TRPC5: variants seen among roughly 807,000 people sequenced by gnomAD.
The protein encoded by TRPC5 is transient receptor potential cation channel subfamily C member 5, also known as short transient receptor potential channel 5.
TRPC5 carries 9 observed loss-of-function variants against 56.5 expected under a neutral mutation model. That is an observed-to-expected ratio of 0.16 (90% CI 0.10 to 0.28). The LOEUF is 0.28. Among genes scored for constraint, TRPC5 ranks in the 10% least tolerant of loss-of-function variants. The probability of loss-of-function intolerance (pLI) is 1.00; values close to 1 mark genes in which losing one functional copy is unlikely to be tolerated. For synonymous variants in TRPC5, 282 were observed against 278.5 expected, an observed-to-expected ratio of 1.01 and a Z score of -0.13; for missense variants, 469 against 748.9, an observed-to-expected ratio of 0.63 and a Z score of 4.36.
chrX:111,998,958 G>A (rs1452538593), intron 1 of TRPC5, among the ~76,000 whole-genome samples: 2 of 111,925 alleles, frequency 1.8e-5, no homozygotes, highest in Non-Finnish European at 1.9e-5. Context: ...TAAGTTCTGG[G>A]ATACATGTGC....
chrX:111,926,545 C>T (rs1409324496), intron 2 of TRPC5, among the ~76,000 whole-genome samples: 1 of 111,972 alleles, frequency 8.9e-6, no homozygotes, highest in African/African-American at 3.2e-5. Flanking sequence ...GCTCTAGAAG[C>T]TTGATAATCA....
At chrX:111,910,227 T>A in intron 3 of TRPC5, among the ~76,000 whole-genome samples, 1 of 112,487 alleles carries the variant, frequency 8.9e-6, no homozygotes, top group Non-Finnish European at 1.9e-5. Context: ...GCAATTCATG[T>A]TCTACAAATA....
At chrX:112,038,572 C>G (rs1235185213) in intron 1 of TRPC5, among the ~76,000 whole-genome samples, 1 of 112,566 alleles carries the variant, frequency 8.9e-6, no homozygotes. Context: ...CAGGATGTCT[C>G]TAATCTTTGG....
intron 3 of TRPC5, among the ~76,000 whole-genome samples, chrX:111,859,734 C>T (rs761189527): frequency 3.6e-5 from 4 of 111,813 alleles, no homozygotes; most frequent in Non-Finnish European, 7.5e-5. Flanking sequence ...TTATTCGTTC[C>T]GTAAGTCAAG....
At chrX:111,902,387 A>G in intron 3 of TRPC5, 1 of 304,436 alleles carries the variant, frequency 3.3e-6, no homozygotes, top group Non-Finnish European at 5.6e-6. Flanking sequence ...TTATTCAGAA[A>G]GTTCTGTCTT....
At chrX:111,899,961 C>T (rs1358554963) in intron 3 of TRPC5, among the ~76,000 whole-genome samples, 2 of 110,568 alleles carry the variant, frequency 1.8e-5, no homozygotes, top group East Asian at 5.7e-4. Context: ...CGTTGTGACC[C>T]TTATCATCAG....
chrX:111,867,724 T>A (rs1923589312), intron 3 of TRPC5, among the ~76,000 whole-genome samples: 1 of 112,143 alleles, frequency 8.9e-6, no homozygotes, highest in Non-Finnish European at 1.9e-5. Context: ...TGCTAAAATT[T>A]ACACCTGAAT....
In TRPC5 at chrX:112,049,432, T is replaced by C. The variant is rs765698496; in HGVS notation, c.-22+32447A>G. 2.1e-3 allele frequency among the ~76,000 whole-genome samples: 215 copies of C among 104,209 alleles called. 1 individual carries two copies. Among genetic ancestry groups the C allele is most frequent in the Non-Finnish European group, 3.2e-3 (164 of 51,150 alleles). The allele number at this position is 104,209 out of a possible 115,157, so 90.5% of individuals were successfully genotyped here. ...TACTATATACACACACGCATATATA[T>C]ACACACACACACACACACACACATA... On this transcript the variant is annotated intron_variant, in intron 1 of 10. Transcript: ENST00000262839.
At chrX:111,837,388 TAAATAGCAC>T (rs1342399247) in intron 6 of TRPC5, among the ~76,000 whole-genome samples, 1 of 111,113 alleles carries the variant, frequency 9.0e-6, no homozygotes, top group Non-Finnish European at 1.9e-5. Context: ...AGGCCAGCAG[TAAATAGCAC>T]AAGCAGCTAG....
intron 1 of TRPC5, among the ~76,000 whole-genome samples, chrX:112,074,446 G>A (rs930730357): frequency 2.7e-5 from 3 of 109,781 alleles, no homozygotes; most frequent in African/African-American, 6.6e-5. Context: ...CCACCAATCC[G>A]GAATTCCTAC....
chrX:112,029,971 G>C (rs1014738345), intron 1 of TRPC5, among the ~76,000 whole-genome samples: 13 of 110,886 alleles, frequency 1.2e-4, no homozygotes, highest in Non-Finnish European at 2.5e-4. Context: ...GGGATCACAG[G>C]CTTGTGCAAC....
At position 111,776,455 on chromosome X, in the gene TRPC5, T is replaced by C; in HGVS notation, c.2780A>G (p.His927Arg). 1.7e-6 allele frequency: 2 copies of C among 1,211,118 alleles called. No homozygotes were observed. Among genetic ancestry groups the C allele is most frequent in the Admixed American group, 2.2e-5 (1 of 45,953 alleles). The change falls in exon 11 of 11, where the codon CAC becomes CGC. Residue 927 changes from histidine (H) to arginine (R), a missense_variant. This residue lies in a region of TRPC5 where 194 missense variants were observed against 221.8 expected (regional missense o/e 0.87). Transcript: ENST00000262839. The part of the protein sequence containing the change: ...ECPLACSSSL[H>R]CASSICSSNS... ...TGAGGAGCAGATGCTGGATGCACAG[T>C]GAAGAGAGCTGGAACAGGCTAGAGG... is the stretch of plus-strand genomic sequence containing the variant.
At position 111,773,666 on chromosome X, in the gene TRPC5, T is replaced by C. The variant is rs764353383; in HGVS notation, c.*2647A>G. Reference sequence around the variant, plus strand: ...GAGTTTATTGACCAGCTCTGTGACCTTGAGCAAGTCATTGTCCTTCTCTGG... The same window carrying C: ...GAGTTTATTGACCAGCTCTGTGACCCTGAGCAAGTCATTGTCCTTCTCTGG... On this transcript the variant is annotated 3_prime_UTR_variant, in exon 11 of 11. Transcript: ENST00000262839. 9.0e-6 allele frequency among the ~76,000 whole-genome samples: 1 copy of C among 111,391 alleles called. No homozygotes were observed. Among genetic ancestry groups the C allele is most frequent in the Non-Finnish European group, 1.9e-5 (1 of 53,039 alleles).
At chrX:111,834,052 A>G (rs1038668005) in intron 7 of TRPC5, among the ~76,000 whole-genome samples, 3 of 111,491 alleles carry the variant, frequency 2.7e-5, no homozygotes, top group Admixed American at 9.6e-5. Flanking sequence ...CTTTGCCAAA[A>G]CTCAATTTCT....
At chrX:111,951,502 G>C (rs1356672128) in intron 2 of TRPC5, among the ~76,000 whole-genome samples, 1 of 111,910 alleles carries the variant, frequency 8.9e-6, no homozygotes, top group African/African-American at 3.3e-5. Flanking sequence ...GAGGATATGA[G>C]AATCACAGAG....
intron 3 of TRPC5, among the ~76,000 whole-genome samples, chrX:111,874,194 G>C (rs12010720): frequency 0.15 from 16,507 of 112,290 alleles, 2,836 homozygotes; most frequent in African/African-American, 0.5. Flanking sequence ...CTTCAGTGGT[G>C]AGAATCTCAT....
At chrX:111,951,652 TG>T (rs1490613930) in intron 2 of TRPC5, among the ~76,000 whole-genome samples, 1 of 111,820 alleles carries the variant, frequency 8.9e-6, no homozygotes, top group Admixed American at 9.5e-5. Flanking sequence ...GAGAGGCTAA[TG>T]AGAAGTAGAA....
chrX:111,976,899 A>G (rs1414989893), intron 1 of TRPC5, among the ~76,000 whole-genome samples: 1 of 111,467 alleles, frequency 9.0e-6, no homozygotes, highest in Non-Finnish European at 1.9e-5. Context: ...AGAGACAAGA[A>G]CAAGCAAAAA....
At position 111,790,868 on chromosome X, in the gene TRPC5, A is replaced by C. The variant is rs758565723; in HGVS notation, c.1897-8730T>G. ...AACCCCATCTCTACTAAAAATATGA[A>C]AACTTAGCTGGGTATGGTGGCTCGC... On this transcript the variant is annotated intron_variant, in intron 7 of 10. Transcript: ENST00000262839. Among the ~76,000 whole-genome samples the C allele has an allele frequency of 2.8e-5, 3 of 108,528 alleles. No homozygotes were observed. In the East Asian group the frequency reaches 8.8e-4, roughly 32 times the overall value. 94.2% of individuals were successfully genotyped at this position (108,528 alleles called of 115,157 possible).
Sources: allele counts gnomAD v4.1 joint callset (sites outside exome capture counted in the v4.1 genomes callset), GRCh38; gene constraint gnomAD v4.1.1; regional missense constraint gnomAD v4.1.1; transcripts MANE v1.5; gene names NCBI Gene and HGNC (gene_info 2026-07-23, HGNC 2026-07-21).